Variants in HPSE2 observed in about 807,000 individuals in gnomAD.
The protein encoded by HPSE2 is heparanase 2 (inactive), also known as inactive heparanase-2.
Under a neutral mutation model 60.5 loss-of-function variants are expected in HPSE2, and 38 were observed. That is an observed-to-expected ratio of 0.63 (90% CI 0.48 to 0.82). HPSE2 has a LOEUF of 0.82. HPSE2 is among the 40% of genes least tolerant of loss of function. The pLI, the probability that HPSE2 is intolerant of heterozygous loss-of-function variation, is 0.00. For missense variants in HPSE2, 713 were observed against 740.4 expected (o/e 0.96, Z 0.43); for synonymous variants, 295 against 293.2 (o/e 1.01, Z -0.06).
the HPSE2 span, among the ~76,000 whole-genome samples, chr10:99,299,894 T>C: frequency 1.3e-5 from 2 of 151,962 alleles, no homozygotes; most frequent in East Asian, 1.9e-4. Flanking sequence ...TGGGTGTGCA[T>C]TGCGTTACTT....
chr10:99,147,801 G>A (rs955141479), intron 2 of HPSE2, among the ~76,000 whole-genome samples: 22 of 152,092 alleles, frequency 1.4e-4, no homozygotes, highest in African/African-American at 5.1e-4. Context: ...TATCAAAGAA[G>A]CACATGGTAA....
intron 3 of HPSE2, among the ~76,000 whole-genome samples, chr10:98,782,912 ATTT>A (rs1039514719): frequency 4.9e-5 from 2 of 41,082 alleles, no homozygotes; most frequent in African/African-American, 1.6e-4. Flanking sequence ...CTGTTTGTTT[ATTT>A]TTTTTTTTTT....
At chr10:99,115,352 C>G (rs1844644137) in intron 3 of HPSE2, among the ~76,000 whole-genome samples, 1 of 152,134 alleles carries the variant, frequency 6.6e-6, no homozygotes, top group Non-Finnish European at 1.5e-5. Flanking sequence ...GACGGGGTTT[C>G]ACCGTGTTAG....
At chr10:99,195,497 A>G (rs1848365432) in intron 2 of HPSE2, among the ~76,000 whole-genome samples, 1 of 152,134 alleles carries the variant, frequency 6.6e-6, no homozygotes, top group Non-Finnish European at 1.5e-5. Context: ...ATTAGAACTG[A>G]TAAGTTGAGT....
rs1484996610 is a variant in HPSE2 at position 98,692,626 on chromosome 10, G to A, written c.1004+1274C>T. 3.9e-5 allele frequency among the ~76,000 whole-genome samples: 6 copies of A among 152,160 alleles called. No homozygotes were observed. In the East Asian group the frequency reaches 5.8e-4, roughly 15 times the overall value. ...TACTAAAAAATACAAAAAATTAGCCGGGCATGGGGGCGGGCGCCTGTAGTC... is the reference window on the plus strand; with the variant it reads ...TACTAAAAAATACAAAAAATTAGCCAGGCATGGGGGCGGGCGCCTGTAGTC... On this transcript the variant is annotated intron_variant, in intron 6 of 11. Coordinates refer to ENST00000370552, the MANE Select transcript of HPSE2 (RefSeq NM_021828.5).
At chr10:98,624,199 T>G (rs1227524107) in intron 7 of HPSE2, among the ~76,000 whole-genome samples, 1 of 151,950 alleles carries the variant, frequency 6.6e-6, no homozygotes, top group African/African-American at 2.4e-5. Flanking sequence ...TAAAAGAAAT[T>G]TAGATAATAA....
rs181650725 is a variant in HPSE2 at position 98,477,157 on chromosome 10, C to T, written c.1613+5479G>A. 2.3e-3 allele frequency among the ~76,000 whole-genome samples: 356 copies of T among 152,242 alleles called. 4 individuals carry two copies. The highest frequency in any genetic ancestry group is 0.015 in the Admixed American group (228 of 15,276). On this transcript the variant is annotated intron_variant, in intron 11 of 11. Transcript: ENST00000370552. ...ATACTTTAAGACTCAGTGTCTTCAA[C>T]TCTAAAATGGAAGGGAGGCAGGAAT...
At chr10:98,538,288 C>A (rs955149577) in intron 9 of HPSE2, among the ~76,000 whole-genome samples, 3 of 152,150 alleles carry the variant, frequency 2.0e-5, no homozygotes, top group Admixed American at 2.0e-4. Flanking sequence ...CCGCTAAGCC[C>A]CTTGGGCTGG....
At chr10:99,146,790 A>G (rs1480270728) in intron 2 of HPSE2, among the ~76,000 whole-genome samples, 2 of 151,990 alleles carry the variant, frequency 1.3e-5, no homozygotes, top group Non-Finnish European at 2.9e-5. Context: ...GAACGCAGGA[A>G]GCGGAGGTTG....
chr10:98,950,247 T>C (rs1955314921), intron 3 of HPSE2, among the ~76,000 whole-genome samples: 1 of 152,152 alleles, frequency 6.6e-6, no homozygotes, highest in African/African-American at 2.4e-5. Flanking sequence ...TATGAAGTGA[T>C]AACCCGTATG....
At chr10:98,510,943 T>G (rs1160680116) in intron 9 of HPSE2, among the ~76,000 whole-genome samples, 1 of 152,168 alleles carries the variant, frequency 6.6e-6, no homozygotes, top group African/African-American at 2.4e-5. Context: ...GCAGACAACT[T>G]CACCAAGAAA....
chr10:98,774,108 T>C (rs1291910920), intron 3 of HPSE2, among the ~76,000 whole-genome samples: 1 of 152,108 alleles, frequency 6.6e-6, no homozygotes, highest in Non-Finnish European at 1.5e-5. Context: ...GATCAACTTT[T>C]GGATAAATAT....
intron 9 of HPSE2, among the ~76,000 whole-genome samples, chr10:98,560,913 A>G (rs891290479): frequency 2.0e-4 from 30 of 152,260 alleles, no homozygotes; most frequent in Non-Finnish European, 4.1e-4. Flanking sequence ...TATTATGTAT[A>G]GTGCATAATA....
At chr10:98,727,603 C>T (rs1306996307) in intron 4 of HPSE2, among the ~76,000 whole-genome samples, 1 of 151,774 alleles carries the variant, frequency 6.6e-6, no homozygotes, top group Admixed American at 6.6e-5. Context: ...TTGCAGTGAG[C>T]CAAGATTGCA....
At chr10:99,196,128 T>G (rs1848389922) in intron 2 of HPSE2, among the ~76,000 whole-genome samples, 1 of 152,126 alleles carries the variant, frequency 6.6e-6, no homozygotes, top group Admixed American at 6.6e-5. Context: ...CTTCAATAAA[T>G]GGTGCTGGGA....
At chr10:99,159,545 GCTTA>G (rs1166157168) in intron 2 of HPSE2, among the ~76,000 whole-genome samples, 2 of 152,134 alleles carry the variant, frequency 1.3e-5, no homozygotes, top group South Asian at 2.1e-4. Context: ...AAAGTCTGTA[GCTTA>G]CTTAACTTTT....
intron 3 of HPSE2, among the ~76,000 whole-genome samples, chr10:98,980,889 A>G (rs572950278): frequency 1.3e-5 from 2 of 152,306 alleles, no homozygotes; most frequent in Admixed American, 6.5e-5. Context: ...TGGTTGCCAA[A>G]TCAAAATATT....
At chr10:98,788,815 C>G (rs185942231) in intron 3 of HPSE2, among the ~76,000 whole-genome samples, 14 of 151,058 alleles carry the variant, frequency 9.3e-5, no homozygotes, top group East Asian at 6.0e-4. Flanking sequence ...GAGCACGGTG[C>G]GCACACACAC....
At chr10:98,657,677 C>T (rs1040412950) in intron 6 of HPSE2, among the ~76,000 whole-genome samples, 1 of 152,166 alleles carries the variant, frequency 6.6e-6, no homozygotes, top group African/African-American at 2.4e-5. Flanking sequence ...GGGAAAGATT[C>T]AGTAAGCTCT....
Sources: gnomAD v4.1 joint callset for allele counts (sites outside exome capture counted in the v4.1 genomes callset) on GRCh38, gnomAD v4.1.1 for gene constraint, MANE v1.5 for transcripts, NCBI Gene and HGNC (gene_info 2026-07-23, HGNC 2026-07-21) for gene names.